Variants in AIMP1 observed in about 807,000 individuals in gnomAD.
AIMP1 encodes aminoacyl tRNA synthase complex-interacting multifunctional protein 1.
Under a neutral mutation model 33.1 loss-of-function variants are expected in AIMP1, and 24 were observed. That is an observed-to-expected ratio of 0.73 (90% CI 0.53 to 1.02). AIMP1 has a LOEUF of 1.02. Among genes scored for constraint, AIMP1 ranks in the 50% least tolerant of loss-of-function variants. The probability of loss-of-function intolerance (pLI) is 0.00; values close to 1 mark genes in which losing one functional copy is unlikely to be tolerated. For missense variants in AIMP1, 367 were observed against 364.8 expected (o/e 1.01, Z -0.05); for synonymous variants, 120 against 121.5 (o/e 0.99, Z 0.08).
chr4:106,337,826 T>C (rs556450771), intron 6 of AIMP1, among the ~76,000 whole-genome samples: 9 of 152,314 alleles, frequency 5.9e-5, no homozygotes, highest in African/African-American at 2.2e-4. Context: ...TGGAACTTTC[T>C]AGAGACTTGT....
intron 5 of AIMP1, among the ~76,000 whole-genome samples, chr4:106,335,440 T>C (rs1303509909): frequency 6.6e-6 from 1 of 151,434 alleles, no homozygotes; most frequent in African/African-American, 2.4e-5. Flanking sequence ...AAAATAAAAG[T>C]TAAAAAAAAA....
At position 106,345,842 on chromosome 4, in the gene AIMP1, A is replaced by T. The variant is rs1022143605; in HGVS notation, c.773-1684A>T. Among the ~76,000 whole-genome samples the T allele has an allele frequency of 2.0e-5, 3 of 148,582 alleles. No individual in the cohort carries two copies. In the East Asian group the frequency reaches 5.8e-4, roughly 29 times the overall value. The stretch of plus-strand genomic sequence containing the variant: ...TTATATAATAAGATGTCATCAGAAT[A>T]TAAAATATAAATATAAAATATATTT... On this transcript the variant is annotated intron_variant, in intron 6 of 6. Coordinates refer to ENST00000672341, the MANE Select transcript of AIMP1 (RefSeq NM_001142416.2).
intron 4 of AIMP1, among the ~76,000 whole-genome samples, chr4:106,328,960 T>A (rs1474958920): frequency 6.6e-6 from 1 of 152,166 alleles, no homozygotes; most frequent in African/African-American, 2.4e-5. Flanking sequence ...ATTGTAAATC[T>A]GACTTCCTTT....
chr4:106,341,941 A>G (rs1770113973), intron 6 of AIMP1, among the ~76,000 whole-genome samples: 1 of 152,036 alleles, frequency 6.6e-6, no homozygotes, highest in Non-Finnish European at 1.5e-5. Context: ...ATGTTTTTCC[A>G]TGTGTTTGTA....
chr4:106,339,259 G>A (rs1225729428), intron 6 of AIMP1, among the ~76,000 whole-genome samples: 1 of 152,176 alleles, frequency 6.6e-6, no homozygotes. Context: ...TGAGATTTGG[G>A]AGGGGCCAGG....
At chr4:106,343,682 T>C (rs1249816666) in intron 6 of AIMP1, among the ~76,000 whole-genome samples, 1 of 152,206 alleles carries the variant, frequency 6.6e-6, no homozygotes, top group Non-Finnish European at 1.5e-5. Flanking sequence ...TTTAGATTCA[T>C]GGAGCATATG....
In AIMP1 at chr4:106,322,224, A is replaced by G. The variant is rs1022709804; in HGVS notation, c.-25-2761A>G. 3.9e-5 allele frequency among the ~76,000 whole-genome samples: 6 copies of G among 152,006 alleles called. No individual in the cohort carries two copies. The East Asian group carries it at 5.8e-4, about 15-fold the overall frequency. Reference sequence around the variant, plus strand: ...TTTATCTGCTGACCTTCCCTCCACTATTGTCCTATGACCCTCCCAAATCCC... The same window carrying G: ...TTTATCTGCTGACCTTCCCTCCACTGTTGTCCTATGACCCTCCCAAATCCC... On this transcript the variant is annotated intron_variant, in intron 1 of 6. Coordinates refer to ENST00000672341, the MANE Select transcript of AIMP1 (RefSeq NM_001142416.2).
intron 6 of AIMP1, among the ~76,000 whole-genome samples, chr4:106,341,309 G>A (rs921381608): frequency 4.6e-5 from 7 of 152,028 alleles, no homozygotes; most frequent in Admixed American, 1.3e-4. Flanking sequence ...TGGAGACTTC[G>A]TCATAAATTC....
intron 6 of AIMP1, among the ~76,000 whole-genome samples, chr4:106,342,767 G>A (rs1021184348): frequency 1.5e-4 from 23 of 152,266 alleles, no homozygotes; most frequent in Non-Finnish European, 2.9e-4. Flanking sequence ...GTCTCTGACA[G>A]TTTTTGGTGT....
intron 2 of AIMP1, among the ~76,000 whole-genome samples, chr4:106,325,943 T>C (rs1341258865): frequency 1.3e-5 from 2 of 152,130 alleles, no homozygotes; most frequent in Non-Finnish European, 2.9e-5. Context: ...TCAGCAGAAT[T>C]ATACCACTAA....
chr4:106,325,497 G>A (rs934816513), intron 2 of AIMP1, among the ~76,000 whole-genome samples: 12 of 149,960 alleles, frequency 8.0e-5, no homozygotes, highest in Non-Finnish European at 1.3e-4. Flanking sequence ...AGTGTTTCTC[G>A]AGATTTTAAA....
chr4:106,340,490 T>C (rs962009188), intron 6 of AIMP1, among the ~76,000 whole-genome samples: 2 of 152,220 alleles, frequency 1.3e-5, no homozygotes, highest in African/African-American at 4.8e-5. Context: ...TTCATGTCTG[T>C]GTATACGCAA....
chr4:106,330,975 T>C (rs1769652648), intron 4 of AIMP1, among the ~76,000 whole-genome samples: 1 of 152,190 alleles, frequency 6.6e-6, no homozygotes, highest in Admixed American at 6.5e-5. Flanking sequence ...AAAATATAAT[T>C]ATTAAAACAT....
Position 106,316,595 on chromosome 4 carries a change from G to T in AIMP1, c.-26+1G>T. On this transcript the variant is annotated splice_donor_variant, in intron 1 of 6. Transcript: ENST00000672341. LOFTEE classifies it low-confidence loss of function (5UTR_SPLICE). ...CGGAACCCGTGGTCCTCCGCTTCAT[G>T]TGAGTGACGTCGTGGCGGGTCACTC... 1.3e-6 allele frequency: 2 copies of T among 1,551,440 alleles called. No homozygotes were observed. Among genetic ancestry groups the T allele is most frequent in the Non-Finnish European group, 1.7e-6 (2 of 1,146,888 alleles).
intron 6 of AIMP1, among the ~76,000 whole-genome samples, chr4:106,342,905 C>CTTT (rs34629602): frequency 3.9e-5 from 5 of 128,348 alleles, no homozygotes; most frequent in East Asian, 2.2e-4. Context: ...CGATCCAGGG[C>CTTT]TTTTTTTTTT....
chr4:106,335,265 A>G (rs894310795), intron 5 of AIMP1, among the ~76,000 whole-genome samples: 5 of 152,254 alleles, frequency 3.3e-5, no homozygotes, highest in South Asian at 2.1e-4. Flanking sequence ...AAAAGAACCA[A>G]CTGATCTTCA....
At chr4:106,334,889 A>G (rs1769815751) in intron 5 of AIMP1, among the ~76,000 whole-genome samples, 1 of 152,214 alleles carries the variant, frequency 6.6e-6, no homozygotes, top group Non-Finnish European at 1.5e-5. Context: ...AAGGAACAGC[A>G]GGAGGCCGAT....
At chr4:106,337,076 C>T (rs1176832402) in intron 6 of AIMP1, 39 bp downstream of exon 6, 6 of 1,565,428 alleles carry the variant, frequency 3.8e-6, no homozygotes, top group Middle Eastern at 3.3e-4. Context: ...GTTTCGGAAT[C>T]AGTTCTCAAA....
intron 1 of AIMP1, among the ~76,000 whole-genome samples, chr4:106,318,095 C>A (rs141106937): frequency 2.0e-5 from 3 of 152,102 alleles, no homozygotes; most frequent in African/African-American, 4.8e-5. Flanking sequence ...TCCAGGACCC[C>A]CTATGTCCTC....
Sources: allele counts gnomAD v4.1 joint callset (sites outside exome capture counted in the v4.1 genomes callset), GRCh38; gene constraint gnomAD v4.1.1; transcripts MANE v1.5; gene names NCBI Gene and HGNC (gene_info 2026-07-23, HGNC 2026-07-21).